The following CERS6 variants were observed in gnomAD, a reference collection of about 807,000 sequenced individuals.
The protein encoded by CERS6 is ceramide synthase 6.
CERS6 carries 26 observed loss-of-function variants against 56.8 expected under a neutral mutation model. The ratio of observed to expected loss-of-function variants is 0.46; its 90% confidence interval spans 0.34 to 0.63. The LOEUF is 0.63. CERS6 is among the 30% of genes least tolerant of loss of function. The probability of loss-of-function intolerance (pLI) is 0.01; values close to 1 mark genes in which losing one functional copy is unlikely to be tolerated. For synonymous variants in CERS6, 164 were observed against 173.3 expected (o/e 0.95, Z 0.42); for missense variants, 415 against 467.5 (o/e 0.89, Z 1.04).
chr2:168,486,155 G>A (rs1032648270), intron 1 of CERS6, among the ~76,000 whole-genome samples: 1 of 151,952 alleles, frequency 6.6e-6, no homozygotes, highest in African/African-American at 2.4e-5. Context: ...TTTTTGGCAA[G>A]GTGTCTGTTT....
intron 1 of CERS6, among the ~76,000 whole-genome samples, chr2:168,487,577 A>G (rs948472390): frequency 6.6e-6 from 1 of 152,210 alleles, no homozygotes; most frequent in Non-Finnish European, 1.5e-5. Context: ...TTATCTGTAT[A>G]CTGTATAACC....
At chr2:168,636,295 C>T (rs1370413297) in intron 4 of CERS6, among the ~76,000 whole-genome samples, 1 of 152,100 alleles carries the variant, frequency 6.6e-6, no homozygotes, top group African/African-American at 2.4e-5. Context: ...AGGTTAAAAA[C>T]AATAACAACA....
intron 3 of CERS6, among the ~76,000 whole-genome samples, chr2:168,614,296 T>C (rs1684258256): frequency 6.6e-6 from 1 of 152,252 alleles, no homozygotes; most frequent in East Asian, 1.9e-4. Flanking sequence ...TGCATATGTG[T>C]GAACATATAC....
At chr2:168,583,893 CT>C (rs1211930267) in intron 3 of CERS6, among the ~76,000 whole-genome samples, 2 of 152,138 alleles carry the variant, frequency 1.3e-5, no homozygotes, top group Non-Finnish European at 2.9e-5. Flanking sequence ...TTGTAATGGC[CT>C]TTTGCCATCA....
intron 1 of CERS6, among the ~76,000 whole-genome samples, chr2:168,464,174 T>TTGTGTGTG (rs35372610): frequency 0.031 from 4,283 of 139,680 alleles, 96 homozygotes; most frequent in African/African-American, 0.05. Flanking sequence ...TTTATACTTT[T>TTGTGTGTG]TGTGTGTGTG....
At chr2:168,470,212 C>CAA (rs752453936) in intron 1 of CERS6, among the ~76,000 whole-genome samples, 12,636 of 105,382 alleles carry the variant, frequency 0.12, 818 homozygotes, top group East Asian at 0.19. Flanking sequence ...CCAACTCTAC[C>CAA]AAAAAAAAAA....
chr2:168,559,957 A>G (rs1319350500), intron 2 of CERS6, among the ~76,000 whole-genome samples: 2 of 151,828 alleles, frequency 1.3e-5, no homozygotes, highest in Non-Finnish European at 2.9e-5. Flanking sequence ...ATTGTTGGCT[A>G]GACATTCTCT....
At chr2:168,609,757 C>T (rs77208184) in intron 3 of CERS6, among the ~76,000 whole-genome samples, 2,934 of 152,136 alleles carry the variant, frequency 0.019, 40 homozygotes, top group Non-Finnish European at 0.024. Context: ...TTGTTCTCTT[C>T]GGCCTCTCTA....
At chr2:168,715,220 G>T in intron 7 of CERS6, 91 bp downstream of exon 7, 2 of 1,118,678 alleles carry the variant, frequency 1.8e-6, no homozygotes, top group Admixed American at 2.5e-5. Context: ...GCTAGATGGT[G>T]CTTGGGTACA....
chr2:168,672,466 C>G (rs932305708), intron 4 of CERS6, among the ~76,000 whole-genome samples: 1 of 151,950 alleles, frequency 6.6e-6, no homozygotes, highest in Non-Finnish European at 1.5e-5. Flanking sequence ...TTGGGGTAAA[C>G]AAAACAAAAA....
intron 3 of CERS6, among the ~76,000 whole-genome samples, chr2:168,593,553 G>GT (rs201189854): frequency 1.5e-4 from 22 of 146,720 alleles, no homozygotes; most frequent in African/African-American, 5.7e-4. Context: ...GTTTTGTTTT[G>GT]TTTGTTTTCT....
chr2:168,517,884 A>C (rs1322848499), intron 1 of CERS6, among the ~76,000 whole-genome samples: 1 of 152,234 alleles, frequency 6.6e-6, no homozygotes, highest in Non-Finnish European at 1.5e-5. Context: ...TATTTGGCGG[A>C]TATATACAGA....
In CERS6 at chr2:168,607,001, C is replaced by T. The variant is rs551248379; in HGVS notation, c.408-23984C>T. Among the ~76,000 whole-genome samples the T allele has an allele frequency of 4.6e-5, 7 of 152,312 alleles. No individual in the cohort carries two copies. The East Asian group carries it at 9.6e-4, about 21-fold the overall frequency. ...AGCAGATGCTGCTGTGGTTCCTGTA[C>T]AGCCTGTAGAACCATGAGCCAATTA... On this transcript the variant is annotated intron_variant, in intron 3 of 9. Transcript: ENST00000305747.
chr2:168,559,754 T>TATATATA (rs56014027), intron 2 of CERS6, among the ~76,000 whole-genome samples: 10 of 123,886 alleles, frequency 8.1e-5, no homozygotes, highest in South Asian at 2.8e-4. Context: ...TATATATATA[T>TATATATA]TTCACCCTTA....
At chr2:168,768,244 T>TTTTG (rs1559086739) in intron 9 of CERS6, among the ~76,000 whole-genome samples, 53 of 151,202 alleles carry the variant, frequency 3.5e-4, no homozygotes, top group African/African-American at 1.2e-3. Context: ...GTTTTGTTTT[T>TTTTG]TTTTTTAAGA....
Position 168,743,739 on chromosome 2 carries a change from C to T in CERS6, c.846-21853C>T, listed in dbSNP as rs116020745. 4.0e-3 allele frequency among the ~76,000 whole-genome samples: 606 copies of T among 152,226 alleles called. 4 individuals are homozygous for T. The highest frequency in any genetic ancestry group is 0.014 in the African/African-American group (568 of 41,524). ...ATCAACATTGCTCTCTCTTTAACAA[C>T]ATGGATGTTAAATGACCCAGGTCAT... On this transcript the variant is annotated intron_variant, in intron 8 of 9. Transcript: ENST00000305747.
Position 168,530,002 on chromosome 2 carries a change from G to A in CERS6, c.171-17594G>A, listed in dbSNP as rs141142296. 2.2e-4 allele frequency among the ~76,000 whole-genome samples: 33 copies of A among 152,002 alleles called. 1 individual carries two copies. The highest frequency in any genetic ancestry group is 6.5e-4 in the African/African-American group (27 of 41,470). On this transcript the variant is annotated intron_variant, in intron 1 of 9. Coordinates refer to ENST00000305747, the MANE Select transcript of CERS6 (RefSeq NM_203463.3). ...TAGAGGCGCTGAAGGCCTGCTTCTC[G>A]CAGCTATGTGTTTCTTGGCTGGTCA...
chr2:168,552,834 A>G (rs951616429), intron 2 of CERS6, among the ~76,000 whole-genome samples: 3 of 152,210 alleles, frequency 2.0e-5, no homozygotes, highest in African/African-American at 4.8e-5. Flanking sequence ...TTAATAAAGA[A>G]GCAACTCACA....
At chr2:168,701,166 C>T (rs951966070) in intron 6 of CERS6, among the ~76,000 whole-genome samples, 1 of 152,180 alleles carries the variant, frequency 6.6e-6, no homozygotes, top group Non-Finnish European at 1.5e-5. Context: ...CCAATGATAA[C>T]ATGTAATGAG....
Sources: gnomAD v4.1 joint callset for allele counts (sites outside exome capture counted in the v4.1 genomes callset) on GRCh38, gnomAD v4.1.1 for gene constraint, MANE v1.5 for transcripts, NCBI Gene and HGNC (gene_info 2026-07-23, HGNC 2026-07-21) for gene names.